Variants in DCC observed in about 807,000 individuals in gnomAD.
DCC encodes DCC netrin 1 receptor.
Under a neutral mutation model 172.5 loss-of-function variants are expected in DCC, and 58 were observed. The observed-to-expected ratio is 0.34, with a 90% confidence interval of 0.27 to 0.42. The LOEUF is 0.42. DCC is among the 10% of genes least tolerant of loss of function. The probability of loss-of-function intolerance (pLI) is 1.00; values close to 1 mark genes in which losing one functional copy is unlikely to be tolerated. For synonymous variants in DCC, 709 were observed against 644.5 expected (o/e 1.10, Z -1.52); for missense variants, 1,740 against 1,791.0 (o/e 0.97, Z 0.51).
chr18:53,490,412 AT>A (rs1470284004), intron 26 of DCC, among the ~76,000 whole-genome samples: 4 of 152,160 alleles, frequency 2.6e-5, no homozygotes, highest in African/African-American at 7.2e-5. Flanking sequence ...CCTCATTTCC[AT>A]TTTTATAATA....
chr18:52,552,275 A>T (rs1315946298), intron 1 of DCC, among the ~76,000 whole-genome samples: 2 of 152,072 alleles, frequency 1.3e-5, no homozygotes, highest in African/African-American at 4.8e-5. Flanking sequence ...AGCATAGGCC[A>T]TTCGAAGGAC....
intron 1 of DCC, among the ~76,000 whole-genome samples, chr18:52,454,163 C>T (rs1351564143): frequency 1.3e-5 from 2 of 151,298 alleles, no homozygotes; most frequent in African/African-American, 4.9e-5. Flanking sequence ...CCAGGGAAGA[C>T]ATTTTTTGCT....
intron 1 of DCC, among the ~76,000 whole-genome samples, chr18:52,543,918 A>G (rs1308927902): frequency 1.3e-5 from 2 of 152,224 alleles, no homozygotes; most frequent in African/African-American, 4.8e-5. Context: ...TGATACTGCA[A>G]CTTTAAATAG....
intron 15 of DCC, among the ~76,000 whole-genome samples, chr18:53,351,326 ATATATACAGTGTATATATATATACACAG>A (rs1568074670): frequency 1.8e-5 from 1 of 56,922 alleles, no homozygotes; most frequent in East Asian, 4.1e-4. Flanking sequence ...CACTGTATAT[ATATATACAGTGTATATATATATACACAG>A]TATATATATA....
chr18:52,416,132 T>C lies in DCC; in HGVS notation c.91+75254T>C, dbSNP rs867186650. Among the ~76,000 whole-genome samples the C allele has an allele frequency of 1.3e-3, 193 of 152,272 alleles. 1 individual carries two copies. The highest frequency in any genetic ancestry group is 6.8e-3 in the Middle Eastern group (2 of 294). ...TTTCTGCCTTCATTTTGTTATGTAC[T>C]CAATAGTCATTCAGGAGCAGGTTGT... On this transcript the variant is annotated intron_variant, in intron 1 of 28. Transcript: ENST00000442544.
At chr18:52,858,699 G>A (rs916599751) in intron 2 of DCC, among the ~76,000 whole-genome samples, 11 of 152,174 alleles carry the variant, frequency 7.2e-5, no homozygotes, top group Non-Finnish European at 1.2e-4. Context: ...CCCCATGGGG[G>A]AGTTCAAACT....
intron 1 of DCC, among the ~76,000 whole-genome samples, chr18:52,693,037 C>T (rs557418531): frequency 6.6e-6 from 1 of 152,140 alleles, no homozygotes; most frequent in African/African-American, 2.4e-5. Flanking sequence ...TCTCCTCAAC[C>T]TGCTTTTCTC....
intron 9 of DCC, among the ~76,000 whole-genome samples, chr18:53,182,822 C>T (rs1370933757): frequency 1.3e-5 from 2 of 152,122 alleles, no homozygotes; most frequent in East Asian, 1.9e-4. Context: ...CTCCCTTCCT[C>T]CTTCCCGCCA....
At chr18:53,179,528 T>C (rs1598880857) in intron 9 of DCC, among the ~76,000 whole-genome samples, 1 of 152,232 alleles carries the variant, frequency 6.6e-6, no homozygotes, top group Non-Finnish European at 1.5e-5. Flanking sequence ...CAGGGACTAA[T>C]TTAAAAGCTT....
At chr18:52,802,480 AT>A (rs36091981) in intron 2 of DCC, among the ~76,000 whole-genome samples, 100,804 of 145,666 alleles carry the variant, frequency 0.69, 35,294 homozygotes, top group East Asian at 0.86. Context: ...ACTCCCAGCA[AT>A]TTTTTTTTTT....
intron 7 of DCC, among the ~76,000 whole-genome samples, chr18:53,147,541 G>A (rs1048722534): frequency 6.6e-6 from 1 of 151,470 alleles, no homozygotes; most frequent in African/African-American, 2.4e-5. Context: ...ATTTGTTTTG[G>A]TGGCTATAAA....
intron 5 of DCC, among the ~76,000 whole-genome samples, chr18:52,994,397 G>T (rs2145628007): frequency 6.6e-6 from 1 of 152,220 alleles, no homozygotes; most frequent in South Asian, 2.1e-4. Context: ...AGAATAGAAA[G>T]TTGCCTTAAA....
chr18:52,883,867 G>A (rs1230680569), intron 2 of DCC, among the ~76,000 whole-genome samples: 3 of 150,908 alleles, frequency 2.0e-5, no homozygotes, highest in East Asian at 3.9e-4. Context: ...AATTCCTTTA[G>A]CATTTCTTGT....
intron 15 of DCC, among the ~76,000 whole-genome samples, chr18:53,381,338 C>T (rs1261537854): frequency 6.6e-6 from 1 of 151,918 alleles, no homozygotes; most frequent in Non-Finnish European, 1.5e-5. Flanking sequence ...AATTAAGCAT[C>T]TGGGTGGTGG....
At chr18:52,867,191 G>T (rs2039241525) in intron 2 of DCC, among the ~76,000 whole-genome samples, 1 of 152,144 alleles carries the variant, frequency 6.6e-6, no homozygotes, top group Non-Finnish European at 1.5e-5. Flanking sequence ...TTATTGATTT[G>T]CATATGTTGA....
At chr18:52,431,475 T>G (rs1257132648) in intron 1 of DCC, among the ~76,000 whole-genome samples, 2 of 152,066 alleles carry the variant, frequency 1.3e-5, no homozygotes, top group African/African-American at 4.8e-5. Context: ...CTGTGCTAAG[T>G]GTAGCATATT....
chr18:52,812,514 T>C (rs1168347528), intron 2 of DCC, among the ~76,000 whole-genome samples: 4 of 152,164 alleles, frequency 2.6e-5, no homozygotes, highest in Non-Finnish European at 5.9e-5. Flanking sequence ...TCAAAGGTCT[T>C]AAAGGCCAGA....
intron 5 of DCC, among the ~76,000 whole-genome samples, chr18:52,995,478 G>T (rs1257844226): frequency 1.3e-5 from 1 of 74,566 alleles, no homozygotes; most frequent in South Asian, 4.4e-4. Flanking sequence ...AGAGAAGAAA[G>T]TTTTTTGTTT....
rs181841675 is a variant in DCC, at chr18:53,321,188, A to G, written c.2054-859A>G. On this transcript the variant is annotated intron_variant, in intron 13 of 28. Transcript: ENST00000442544. ...ACACCAAATATTTGCACTATTTCAG[A>G]TGAATGGGGGATAACAGTTACATTT... 4.3e-3 allele frequency among the ~76,000 whole-genome samples: 648 copies of G among 152,284 alleles called. 5 individuals carry two copies. Among genetic ancestry groups the G allele is most frequent in the Non-Finnish European group, 7.2e-3 (492 of 68,008 alleles).
Sources: gnomAD v4.1 joint callset for allele counts (sites outside exome capture counted in the v4.1 genomes callset) on GRCh38, gnomAD v4.1.1 for gene constraint, MANE v1.5 for transcripts, NCBI Gene and HGNC (gene_info 2026-07-23, HGNC 2026-07-21) for gene names.